DENND11: variants seen among roughly 807,000 people sequenced by gnomAD.
DENND11 encodes the protein DENN domain containing 11.
DENND11 carries 34 observed loss-of-function variants against 49.2 expected under a neutral mutation model. The ratio of observed to expected loss-of-function variants is 0.69; its 90% CI spans 0.53 to 0.92. DENND11 has a LOEUF of 0.92. DENND11 is among the 40% of genes least tolerant of loss of function. The probability of loss-of-function intolerance (pLI) is 0.00; values close to 1 mark genes in which losing one functional copy is unlikely to be tolerated. For missense variants in DENND11, 475 were observed against 581.6 expected, an observed-to-expected ratio of 0.82 and a Z score of 1.88; for synonymous variants, 238 against 230.3, an observed-to-expected ratio of 1.03 and a Z score of -0.30.
chr7:141,688,198 T>G (rs971776149), intron 1 of DENND11, among the ~76,000 whole-genome samples: 1 of 152,238 alleles, frequency 6.6e-6, no homozygotes, highest in Non-Finnish European at 1.5e-5. Context: ...GTTGTTTTCA[T>G]GCATATTCAA....
At chr7:141,666,260 G>A (rs993429556) in intron 5 of DENND11, 27 bp downstream of exon 5, 1 of 1,567,050 alleles carries the variant, frequency 6.4e-7, no homozygotes, top group Non-Finnish European at 8.7e-7. Context: ...GATTTAAGCA[G>A]CACTCCTGAC....
chr7:141,686,699 A>G, intron 1 of DENND11, 41 bp from the exon 2 acceptor site: 2 of 1,433,116 alleles, frequency 1.4e-6, no homozygotes, highest in Middle Eastern at 1.7e-4. Flanking sequence ...AAACAACATC[A>G]TTCAAAGAAA....
intron 7 of DENND11, 24 bp downstream of exon 7, chr7:141,664,880 G>A (rs372547456): frequency 1.0e-5 from 16 of 1,600,088 alleles, no homozygotes; most frequent in Admixed American, 3.4e-5. Flanking sequence ...TGGAGCCCCT[G>A]GTTCTCCCCT....
At chr7:141,696,048 G>A (rs1021525287) in intron 1 of DENND11, among the ~76,000 whole-genome samples, 7 of 152,180 alleles carry the variant, frequency 4.6e-5, no homozygotes, top group Non-Finnish European at 7.3e-5. Flanking sequence ...TGGACTAACC[G>A]ACTACGAGGC....
In DENND11 at chr7:141,677,505, A is replaced by G. The variant is rs71545338; in HGVS notation, c.528-3285T>C. Among the ~76,000 whole-genome samples, 902 of 114,768 alleles carry G rather than the reference A, an allele frequency of 7.9e-3. 11 individuals are homozygous for G. The highest frequency in any genetic ancestry group is 0.024 in the African/African-American group (655 of 27,566). 75.3% of individuals were successfully genotyped at this position (114,768 alleles called of 152,430 possible). Reference sequence around the variant, plus strand: ...TATTTATATGTGTGTGTGTGTGTGTATATATATATATATATGTATATATAT... The same window carrying G: ...TATTTATATGTGTGTGTGTGTGTGTGTATATATATATATATGTATATATAT... On this transcript the variant is annotated intron_variant, in intron 3 of 8. Transcript: ENST00000536163.
intron 4 of DENND11, among the ~76,000 whole-genome samples, chr7:141,669,164 C>CTGCTTCCT: frequency 6.6e-6 from 1 of 152,178 alleles, no homozygotes; most frequent in South Asian, 2.1e-4. Context: ...CCTCTTCCCT[C>CTGCTTCCT]TGCTTCCTTT....
intron 4 of DENND11, among the ~76,000 whole-genome samples, chr7:141,669,886 T>C (rs1178477660): frequency 7.0e-6 from 1 of 143,480 alleles, no homozygotes; most frequent in Non-Finnish European, 1.5e-5. Flanking sequence ...CTCGGCTCAC[T>C]GCAGGCTCCG....
intron 4 of DENND11, among the ~76,000 whole-genome samples, chr7:141,670,113 T>C (rs1391307618): frequency 1.3e-5 from 2 of 152,202 alleles, no homozygotes; most frequent in African/African-American, 4.8e-5. Context: ...CCCGGCCTCA[T>C]ACATGCTATT....
intron 4 of DENND11, among the ~76,000 whole-genome samples, chr7:141,668,644 A>G (rs755076902): frequency 1.3e-5 from 2 of 152,208 alleles, no homozygotes; most frequent in South Asian, 4.1e-4. Flanking sequence ...GTTCACATAC[A>G]AAGGCCTGCA....
At position 141,702,074 on chromosome 7, in the gene DENND11, G is replaced by A; in HGVS notation, c.80C>T (p.Pro27Leu). ...PAVSLPQAPQ[P>L]QAGGWGRGGG... ...GCCCCGGCCCCAGCCTCCCGCCTGC[G>A]GCTGCGGGGCCTGCGGCAGGGAGAC... Residue 27 changes from proline to leucine, a missense_variant, in exon 1 of 9, where the codon CCG (proline) becomes CTG (leucine). Coordinates refer to ENST00000536163, the MANE Select transcript of DENND11 (RefSeq NM_001080392.2). The A allele has an allele frequency of 1.0e-6, 1 of 987,062 alleles. No individual in the cohort carries two copies. Among genetic ancestry groups the A allele is most frequent in the Non-Finnish European group, 1.2e-6 (1 of 832,400 alleles). The allele number at this position is 987,062 out of a possible 1,614,324, so 61.1% of individuals were successfully genotyped here. A position where few individuals can be genotyped will look rare whatever the true frequency, so the allele number is the denominator to read the frequency against.
intron 1 of DENND11, among the ~76,000 whole-genome samples, chr7:141,687,792 G>A (rs1381311260): frequency 3.9e-5 from 6 of 151,930 alleles, no homozygotes; most frequent in Admixed American, 3.3e-4. Flanking sequence ...CTGCCACCAG[G>A]CCCGGCTAAT....
chr7:141,693,398 T>C (rs1215876980), intron 1 of DENND11, among the ~76,000 whole-genome samples: 1 of 152,232 alleles, frequency 6.6e-6, no homozygotes, highest in Non-Finnish European at 1.5e-5. Context: ...CTGGTGGGAA[T>C]ATAAAATGGC....
intron 4 of DENND11, among the ~76,000 whole-genome samples, chr7:141,669,936 G>A (rs1010686729): frequency 2.0e-5 from 3 of 147,576 alleles, no homozygotes; most frequent in African/African-American, 7.5e-5. Context: ...TCAGCCTCCC[G>A]AGTAGCTGGG....
At chr7:141,693,938 A>AC (rs1489776043) in intron 1 of DENND11, among the ~76,000 whole-genome samples, 1 of 152,232 alleles carries the variant, frequency 6.6e-6, no homozygotes, top group African/African-American at 2.4e-5. Context: ...ATTGAACTGT[A>AC]CAACAGTGAA....
At chr7:141,677,420 T>C (rs1587216700) in intron 3 of DENND11, among the ~76,000 whole-genome samples, 1 of 138,728 alleles carries the variant, frequency 7.2e-6, no homozygotes, top group Non-Finnish European at 1.5e-5. Context: ...TATATATATA[T>C]ATACACATAT....
At position 141,676,220 on chromosome 7, in the gene DENND11, G is replaced by A. The variant is rs114605275; in HGVS notation, c.528-2000C>T. The stretch of plus-strand genomic sequence containing the variant: ...CATTTTCTGTGTTATAGGGGGCTGT[G>A]TCAAGGGTAATTTATATTTTTTCAT... On this transcript the variant is annotated intron_variant, in intron 3 of 8. Coordinates refer to ENST00000536163, the MANE Select transcript of DENND11 (RefSeq NM_001080392.2). 3.0e-3 allele frequency among the ~76,000 whole-genome samples: 451 copies of A among 152,194 alleles called. 1 individual carries two copies. Among genetic ancestry groups the A allele is most frequent in the African/African-American group, 0.011 (441 of 41,514 alleles).
In DENND11 at chr7:141,674,121, C is replaced by T. The variant is rs192507189; in HGVS notation, c.627G>A (p.Leu209=). 523 of 1,598,832 alleles carry T rather than the reference C, an allele frequency of 3.3e-4. 4 individuals carry two copies. In the East Asian group the frequency reaches 7.0e-3, roughly 21 times the overall value. The change falls in exon 4 of 9, where the codon CTG becomes CTA. Residue 209 remains leucine, a synonymous_variant. Coordinates refer to ENST00000536163, the MANE Select transcript of DENND11 (RefSeq NM_001080392.2). Reference sequence around the variant, plus strand: ...TGGAAGGCAGCCAGTAGACAGGGGGCAGGCTGCTGCCTCTGCCGGGACCAG... The same window carrying T: ...TGGAAGGCAGCCAGTAGACAGGGGGTAGGCTGCTGCCTCTGCCGGGACCAG... ...LHAGPGRGSS[L]PPVYWLPSIH...
At chr7:141,688,444 A>G (rs1381486813) in intron 1 of DENND11, among the ~76,000 whole-genome samples, 2 of 152,184 alleles carry the variant, frequency 1.3e-5, no homozygotes, top group African/African-American at 4.8e-5. Context: ...GTCACTTTCA[A>G]ATAGTTTATT....
intron 4 of DENND11, among the ~76,000 whole-genome samples, chr7:141,673,246 A>T (rs2117059805): frequency 6.6e-6 from 1 of 152,164 alleles, no homozygotes; most frequent in African/African-American, 2.4e-5. Flanking sequence ...CAAGGAATAA[A>T]AAAAAAAAAA....
Sources: gnomAD v4.1 joint callset for allele counts (sites outside exome capture counted in the v4.1 genomes callset) on GRCh38, gnomAD v4.1.1 for gene constraint, MANE v1.5 for transcripts, NCBI Gene and HGNC (gene_info 2026-07-23, HGNC 2026-07-21) for gene names.